MICAL2: variants seen among roughly 807,000 people sequenced by gnomAD.
The protein encoded by MICAL2 is microtubule associated monooxygenase, calponin and LIM domain containing 2, also known as [F-actin]-monooxygenase MICAL2.
Under a neutral mutation model 127.3 loss-of-function variants are expected in MICAL2, and 77 were observed. The observed-to-expected ratio is 0.60, with a 90% confidence interval of 0.50 to 0.73. MICAL2 has a LOEUF of 0.73. Ranked by LOEUF, MICAL2 falls within the 30% of genes least tolerant of loss-of-function variation. The pLI is 0.00. For synonymous variants in MICAL2, 570 were observed against 551.1 expected (o/e 1.03, Z -0.48); for missense variants, 1,351 against 1,434.4 (o/e 0.94, Z 0.94).
chr11:12,220,598 C>T (rs1415960122), intron 9 of MICAL2, 140 bp downstream of exon 9: 31 of 1,237,084 alleles, frequency 2.5e-5, no homozygotes, highest in South Asian at 1.5e-5. Context: ...AAGCCTGTCC[C>T]GGCCTCAGAG....
rs1301518170 is a variant in MICAL2 at position 12,256,822 on chromosome 11, G to A, written c.2993G>A (p.Gly998Asp). 1 of 1,613,820 alleles carries A rather than the reference G, an allele frequency of 6.2e-7. No homozygotes were observed. Among genetic ancestry groups the A allele is most frequent in the Admixed American group, 1.7e-5 (1 of 59,990 alleles). Residue 998 changes from glycine (G) to aspartate (D), a missense_variant, in exon 24 of 28, where the codon GGC (glycine) becomes GAC (aspartate). Gly to Asp is a moderately conservative substitution (Grantham distance 94, BLOSUM62 -1). Around this residue, in one of 2 missense-constraint regions of MICAL2, gnomAD observed 752 missense variants for 719.4 expected, o/e 1.05. Transcript: ENST00000683283. Reference sequence around the variant, plus strand: ...AAGTCATTTCCCCTTAACCTGGGAGGCAGCGACACGTGTTACTTCTGTAAG... The same window carrying A: ...AAGTCATTTCCCCTTAACCTGGGAGACAGCGACACGTGTTACTTCTGTAAG... Reference protein sequence around the residue: ...MRKSFPLNLGGSDTCYFCKKR... With the variant: ...MRKSFPLNLGDSDTCYFCKKR...
At chr11:12,249,516 C>T (rs907456300) in intron 22 of MICAL2, among the ~76,000 whole-genome samples, 1 of 152,236 alleles carries the variant, frequency 6.6e-6, no homozygotes, top group African/African-American at 2.4e-5. Context: ...CAGCCCTGGG[C>T]ATATGGCCGA....
intron 32 of MICAL2, among the ~76,000 whole-genome samples, chr11:12,334,657 A>T (rs1356205497): frequency 1.6e-5 from 2 of 122,668 alleles, no homozygotes; most frequent in Non-Finnish European, 3.2e-5. Context: ...TCCTGTGTCC[A>T]TGTGTTCTCA....
At chr11:12,294,232 G>C (rs770577640), downstream of MICAL2, 24 of 1,614,128 alleles carry the variant, frequency 1.5e-5, no homozygotes, top group Non-Finnish European at 1.9e-5. Flanking sequence ...CTCCACCCAA[G>C]TCCCCACTGC....
chr11:12,276,725 C>T (rs1170422170), intron 1 of MICAL2: 3 of 152,252 alleles, frequency 2.0e-5, no homozygotes, highest in Admixed American at 6.5e-5. Context: ...GGTAAGTCAA[C>T]AGCAGGTATT....
intron 29 of MICAL2, among the ~76,000 whole-genome samples, chr11:12,312,539 C>T (rs1029607868): frequency 6.6e-6 from 1 of 152,014 alleles, no homozygotes; most frequent in Non-Finnish European, 1.5e-5. Flanking sequence ...GAAAACTTCC[C>T]CCTCACCCTC....
chr11:12,167,358 C>G (rs1030575596), intron 3 of MICAL2, among the ~76,000 whole-genome samples: 4 of 152,130 alleles, frequency 2.6e-5, no homozygotes, highest in African/African-American at 9.7e-5. Context: ...CTGGGCCCCT[C>G]CCCTGTGTGT....
intron 10 of MICAL2, 146 bp from the exon 11 acceptor site, chr11:12,222,471 C>T: frequency 9.0e-7 from 1 of 1,116,528 alleles, no homozygotes; most frequent in Non-Finnish European, 1.3e-6. Flanking sequence ...TCTCAAGAAC[C>T]AGGAGAGTCA....
chr11:12,312,161 T>C (rs1272616302), intron 29 of MICAL2, among the ~76,000 whole-genome samples: 1 of 151,898 alleles, frequency 6.6e-6, no homozygotes, highest in Admixed American at 6.6e-5. Flanking sequence ...TTCTTAATTT[T>C]GTATTTTTAG....
At chr11:12,180,420 G>A (rs1484298061) in intron 3 of MICAL2, among the ~76,000 whole-genome samples, 1 of 151,476 alleles carries the variant, frequency 6.6e-6, no homozygotes, top group Non-Finnish European at 1.5e-5. Flanking sequence ...TGCTGCACAC[G>A]GCCACAGGTG....
chr11:12,312,183 C>A (rs932231660), intron 29 of MICAL2, among the ~76,000 whole-genome samples: 1 of 151,656 alleles, frequency 6.6e-6, no homozygotes, highest in Admixed American at 6.6e-5. Flanking sequence ...GTCAAATTTT[C>A]GCTTTGTTGA....
At chr11:12,281,912 T>C (rs1045282712) in intron 2 of MICAL2, among the ~76,000 whole-genome samples, 2 of 152,192 alleles carry the variant, frequency 1.3e-5, no homozygotes, top group African/African-American at 4.8e-5. Flanking sequence ...GATTTATGGG[T>C]AACTTCTGGA....
intron 24 of MICAL2, chr11:12,257,180 C>A: frequency 1.8e-6 from 1 of 555,692 alleles, no homozygotes; most frequent in East Asian, 3.1e-5. Flanking sequence ...AGCATCAGCA[C>A]TGTGGTACGG....
exon 34 of MICAL2, chr11:12,354,835 G>A: frequency 6.2e-7 from 1 of 1,614,026 alleles, no homozygotes; most frequent in Non-Finnish European, 8.5e-7. Flanking sequence ...AGCAGAAACT[G>A]AGAGAGAAAA....
chr11:12,258,451 T>C lies in MICAL2; in HGVS notation c.3143-17T>C, dbSNP rs1337538070. ...CAGGAGAAAAATTTTTCTGTATGTG[T>C]GTGCCTCTTTTTACAGGCAAATTTT... On this transcript the variant is annotated splice_polypyrimidine_tract_variant and intron_variant, in intron 24 of 27. Coordinates refer to ENST00000683283, the MANE Select transcript of MICAL2 (RefSeq NM_001282663.2). The C allele has an allele frequency of 6.2e-7, 1 of 1,608,180 alleles. No homozygotes were observed. Among genetic ancestry groups the C allele is most frequent in the African/African-American group, 1.3e-5 (1 of 74,840 alleles).
intron 26 of MICAL2, chr11:12,260,195 C>T: frequency 6.8e-7 from 1 of 1,477,706 alleles, no homozygotes; most frequent in Non-Finnish European, 9.0e-7. Flanking sequence ...CCCCAAAGTG[C>T]CTTCACATTT....
chr11:12,261,097 G>A, intron 26 of MICAL2: 1 of 985,530 alleles, frequency 1.0e-6, no homozygotes, highest in East Asian at 1.1e-4. Flanking sequence ...GCCAAGTGGA[G>A]TGGAAGACTC....
intron 29 of MICAL2, among the ~76,000 whole-genome samples, chr11:12,318,729 A>G (rs894606542): frequency 3.9e-5 from 6 of 152,204 alleles, no homozygotes; most frequent in Admixed American, 6.5e-5. Context: ...TAATCCAGCT[A>G]TTACTCATTA....
intron 2 of MICAL2, among the ~76,000 whole-genome samples, chr11:12,154,688 A>C (rs1853972014): frequency 6.6e-6 from 1 of 152,174 alleles, no homozygotes; most frequent in South Asian, 2.1e-4. Context: ...CCATGGATTA[A>C]ATGTCTTTAT....
Sources: gnomAD v4.1 joint callset for allele counts (sites outside exome capture counted in the v4.1 genomes callset) on GRCh38, gnomAD v4.1.1 for gene constraint, gnomAD v4.1.1 regional missense constraint, MANE v1.5 for transcripts, NCBI Gene and HGNC (gene_info 2026-07-23, HGNC 2026-07-21) for gene names.